The following MED13 variants were observed in gnomAD, a reference collection of about 807,000 sequenced individuals.
The protein encoded by MED13 is mediator complex subunit 13, also known as mediator of RNA polymerase II transcription subunit 13.
In MED13, 23 loss-of-function variants were observed where a neutral mutation model predicts 225.2. That is an observed-to-expected ratio of 0.10 (90% CI 0.07 to 0.14). The LOEUF (loss-of-function observed/expected upper bound fraction) is 0.14, where lower values mean the gene tolerates loss of function less well. Ranked by LOEUF, MED13 falls within the 10% of genes least tolerant of loss-of-function variation. The pLI, the probability that MED13 is intolerant of heterozygous loss-of-function variation, is 1.00. For synonymous variants in MED13, 942 were observed against 889.2 expected, an observed-to-expected ratio of 1.06 and a Z score of -1.06; for missense variants, 2,197 against 2,594.5, an observed-to-expected ratio of 0.85 and a Z score of 3.33.
rs2278812 is a variant in MED13, at chr17:61,962,968, C to T, written c.4848G>A (p.Thr1616=). The change falls in exon 21 of 30, where the codon ACG becomes ACA. Residue 1616 remains threonine (T), a synonymous_variant. Transcript: ENST00000397786. The stretch of plus-strand genomic sequence containing the variant: ...GGATTCCCACTTTATCCCGATCCAT[C>T]GTGCTAAAATTTAAGGTAGAAATGA... ...TQPHPDVSES[T]MDRDKVGIPT... 238,936 of 1,612,874 alleles carry T rather than the reference C, an allele frequency of 0.15. 22,653 individuals are homozygous for T. Among genetic ancestry groups the T allele is most frequent in the East Asian group, 0.47 (21,279 of 44,850 alleles).
chr17:62,012,407 G>A (rs368379991), intron 8 of MED13, among the ~76,000 whole-genome samples: 5 of 138,608 alleles, frequency 3.6e-5, no homozygotes, highest in African/African-American at 1.3e-4. Flanking sequence ...TCAGCTCACC[G>A]CAACCTCCAC....
At chr17:62,014,848 T>G (rs1158159903) in intron 8 of MED13, among the ~76,000 whole-genome samples, 2 of 152,208 alleles carry the variant, frequency 1.3e-5, no homozygotes, top group Non-Finnish European at 1.5e-5. Flanking sequence ...ATCCAATTAC[T>G]GTAAATTTAA....
At chr17:61,981,375 A>G (rs1406584626) in intron 16 of MED13, among the ~76,000 whole-genome samples, 1 of 152,116 alleles carries the variant, frequency 6.6e-6, no homozygotes, top group Non-Finnish European at 1.5e-5. Context: ...TTCCTTGTCA[A>G]AACTGTTCAA....
In MED13 at chr17:61,944,288, GTAAAGTCACTATT is replaced by G. The variant is rs546538016; in HGVS notation, c.*2167_*2179del. ...CAACTGAGAATATAACTTTTATTTTGTAAAGTCACTATTAAGTGTATAAAAAGGATACTCTTTT... is the reference window on the plus strand; with the variant it reads ...CAACTGAGAATATAACTTTTATTTTGAAGTGTATAAAAAGGATACTCTTTT... On this transcript the variant is annotated 3_prime_UTR_variant, in exon 30 of 30. Coordinates refer to ENST00000397786, the MANE Select transcript of MED13 (RefSeq NM_005121.3). The G allele has an allele frequency of 7.9e-5, 12 of 152,106 alleles. No homozygotes were observed. In the South Asian group the frequency reaches 2.5e-3, roughly 32 times the overall value. 9.4% of individuals were successfully genotyped at this position (152,106 alleles called of 1,614,324 possible).
At chr17:61,989,955 C>T (rs1300644689) in intron 11 of MED13, among the ~76,000 whole-genome samples, 3 of 152,308 alleles carry the variant, frequency 2.0e-5, no homozygotes, top group Non-Finnish European at 4.4e-5. Flanking sequence ...ATCACTCCGG[C>T]AAAGAATCCA....
rs966271890 is a variant in MED13 at position 62,065,238 on chromosome 17, A to G, written c.-33T>C. 12 of 1,285,708 alleles carry G rather than the reference A, an allele frequency of 9.3e-6. No individual in the cohort carries two copies. In the Admixed American group the frequency reaches 1.4e-4, roughly 15 times the overall value. The allele number at this position is 1,285,708 out of a possible 1,614,324, so 79.6% of individuals were successfully genotyped here. A position where few individuals can be genotyped will look rare whatever the true frequency, so the allele number is the denominator to read the frequency against. On this transcript the variant is annotated 5_prime_UTR_variant, in exon 1 of 30. Transcript: ENST00000397786. Reference sequence around the variant, plus strand: ...CACAGCAGCCGCCGCCGGCGCCACAACCCACCATCCGCCATTACCGCCGCC... The same window carrying G: ...CACAGCAGCCGCCGCCGGCGCCACAGCCCACCATCCGCCATTACCGCCGCC...
chr17:62,052,093 T>C (rs999661314), intron 3 of MED13, among the ~76,000 whole-genome samples: 1 of 152,180 alleles, frequency 6.6e-6, no homozygotes, highest in Non-Finnish European at 1.5e-5. Flanking sequence ...TAAATTACTT[T>C]AATTAAAGGG....
At chr17:61,956,742 C>T (rs1229948398) in intron 23 of MED13, among the ~76,000 whole-genome samples, 6 of 152,072 alleles carry the variant, frequency 3.9e-5, no homozygotes, top group East Asian at 1.9e-4. Context: ...GGTTTCACCG[C>T]GTTAGCCAGG....
chr17:61,965,558 G>A, intron 19 of MED13, 90 bp from the exon 20 acceptor site: 1 of 1,290,548 alleles, frequency 7.7e-7, no homozygotes, highest in Non-Finnish European at 1.0e-6. Context: ...TCATAATCCA[G>A]TTGATGTTTT....
At chr17:62,043,778 C>T (rs1425888073) in intron 3 of MED13, among the ~76,000 whole-genome samples, 1 of 152,182 alleles carries the variant, frequency 6.6e-6, no homozygotes, top group Non-Finnish European at 1.5e-5. Context: ...AAACCTTCTG[C>T]ATAGTTAATT....
intron 8 of MED13, among the ~76,000 whole-genome samples, chr17:62,014,617 T>G (rs1419463894): frequency 6.6e-6 from 1 of 152,174 alleles, no homozygotes; most frequent in African/African-American, 2.4e-5. Context: ...GCACCCAGCC[T>G]GTATATGGCT....
chr17:62,051,667 G>GA (rs972011926), intron 3 of MED13, among the ~76,000 whole-genome samples: 1 of 152,066 alleles, frequency 6.6e-6, no homozygotes, highest in African/African-American at 2.4e-5. Flanking sequence ...AGGTGCACAT[G>GA]AAAAAAGATG....
intron 3 of MED13, among the ~76,000 whole-genome samples, chr17:62,040,823 AAC>A (rs1295772038): frequency 1.3e-5 from 2 of 152,200 alleles, no homozygotes; most frequent in Non-Finnish European, 2.9e-5. Context: ...GCAAACCAAA[AAC>A]ACAGTAAGAT....
At chr17:62,064,516 A>T (rs1200025482) in intron 1 of MED13, among the ~76,000 whole-genome samples, 1 of 152,214 alleles carries the variant, frequency 6.6e-6, no homozygotes, top group Non-Finnish European at 1.5e-5. Flanking sequence ...TGTTCTAATA[A>T]AAGCAAGATG....
At chr17:62,035,678 T>C (rs185410261) in intron 3 of MED13, 70 bp from the exon 4 acceptor site, 2 of 1,459,320 alleles carry the variant, frequency 1.4e-6, no homozygotes, top group African/African-American at 2.9e-5. Context: ...CTTTTCTTTA[T>C]TAGGAAGTAT....
chr17:62,064,628 G>A (rs1337639852), intron 1 of MED13, among the ~76,000 whole-genome samples: 1 of 152,110 alleles, frequency 6.6e-6, no homozygotes, highest in Non-Finnish European at 1.5e-5. Context: ...AGTCACCCAA[G>A]AAAGAAACTA....
intron 3 of MED13, among the ~76,000 whole-genome samples, chr17:62,051,335 A>G (rs2080954975): frequency 6.6e-6 from 1 of 152,204 alleles, no homozygotes; most frequent in African/African-American, 2.4e-5. Context: ...ATGAAGATGT[A>G]AAAATGGCAC....
At chr17:62,043,569 G>C (rs933799205) in intron 3 of MED13, among the ~76,000 whole-genome samples, 16 of 152,132 alleles carry the variant, frequency 1.1e-4, no homozygotes, top group Non-Finnish European at 4.4e-5. Flanking sequence ...CTGACCACCA[G>C]AGAAGGTACC....
chr17:61,961,389 G>A (rs527968585), intron 22 of MED13, among the ~76,000 whole-genome samples, 199 bp downstream of exon 22: 7 of 151,912 alleles, frequency 4.6e-5, no homozygotes, highest in South Asian at 4.2e-4. Context: ...GCAAGGTGGC[G>A]CATGCCTGTA....
Sources: gnomAD v4.1 joint callset for allele counts (sites outside exome capture counted in the v4.1 genomes callset) on GRCh38, gnomAD v4.1.1 for gene constraint, MANE v1.5 for transcripts, NCBI Gene and HGNC (gene_info 2026-07-23, HGNC 2026-07-21) for gene names.